The following TRMT11 variants were observed in gnomAD, a reference collection of about 807,000 sequenced individuals.
The protein encoded by TRMT11 is tRNA methyltransferase 11, also known as tRNA (guanine(10)-N(2))-methyltransferase TRMT11.
Under a neutral mutation model 62.8 loss-of-function variants are expected in TRMT11, and 53 were observed. The observed-to-expected ratio is 0.84, with a 90% confidence interval of 0.68 to 1.06. TRMT11 has a LOEUF of 1.06. Ranked by LOEUF, TRMT11 falls within the 50% of genes least tolerant of loss-of-function variation. TRMT11 has a pLI of 0.00. For missense variants in TRMT11, 556 were observed against 553.4 expected (o/e 1.00, Z -0.05); for synonymous variants, 188 against 190.3 (o/e 0.99, Z 0.10).
the TRMT11 span, among the ~76,000 whole-genome samples, chr6:126,257,017 C>T: frequency 6.6e-6 from 1 of 152,068 alleles, no homozygotes; most frequent in African/African-American, 2.4e-5. Flanking sequence ...TCCCAAGTAG[C>T]TGGGACTACA....
At chr6:126,228,172 G>C in the TRMT11 span, among the ~76,000 whole-genome samples, 972 of 152,306 alleles carry the variant, frequency 6.4e-3, 16 homozygotes, top group African/African-American at 0.023. Context: ...ATGCTTTGTG[G>C]ACCAAAACAA....
intron 21 of TRMT11, among the ~76,000 whole-genome samples, chr6:126,160,177 G>A (rs1778172573): frequency 6.6e-6 from 1 of 151,972 alleles, no homozygotes; most frequent in Non-Finnish European, 1.5e-5. Context: ...TCCTTATAAG[G>A]TTACACTCAG....
chr6:126,084,820 T>C (rs1777196670), intron 17 of TRMT11, among the ~76,000 whole-genome samples: 1 of 152,134 alleles, frequency 6.6e-6, no homozygotes, highest in Non-Finnish European at 1.5e-5. Flanking sequence ...TTGTGCTAAA[T>C]GCAACAAGCC....
chr6:126,135,547 C>A (rs973477053), intron 21 of TRMT11, among the ~76,000 whole-genome samples: 4 of 151,732 alleles, frequency 2.6e-5, no homozygotes, highest in African/African-American at 9.7e-5. Flanking sequence ...CTGCTGAATT[C>A]TACCAAAACA....
chr6:126,093,631 A>ATATATATATTTTTTTTTTTTTTT (rs1554236842), intron 17 of TRMT11, among the ~76,000 whole-genome samples: 3 of 98,016 alleles, frequency 3.1e-5, no homozygotes, highest in African/African-American at 1.3e-4. Context: ...ATATATATAT[A>ATATATATATTTTTTTTTTTTTTT]TTTTCCCCCA....
intron 17 of TRMT11, among the ~76,000 whole-genome samples, chr6:126,088,852 A>T (rs191805352): frequency 7.2e-5 from 11 of 152,310 alleles, no homozygotes; most frequent in Middle Eastern, 6.8e-3. Context: ...ATTGACTTAT[A>T]TTGCTAGAGA....
chr6:126,203,161 C>G (rs139164050), downstream of TRMT11, among the ~76,000 whole-genome samples: 1 of 152,180 alleles, frequency 6.6e-6, no homozygotes, highest in African/African-American at 2.4e-5. Flanking sequence ...GCACAGGGCC[C>G]TGAGCTCAGA....
intron 12 of TRMT11, among the ~76,000 whole-genome samples, chr6:126,026,802 G>T (rs1289568572): frequency 5.2e-4 from 63 of 121,694 alleles, no homozygotes; most frequent in Middle Eastern, 4.7e-3. Context: ...GGTTTTTTGG[G>T]TTTTTTTTTT....
chr6:126,258,367 A>G, the TRMT11 span: 2 of 367,192 alleles, frequency 5.4e-6, no homozygotes, highest in South Asian at 4.3e-5. Context: ...ATGTACGTGC[A>G]TCAGTCCCCT....
intron 1 of TRMT11, among the ~76,000 whole-genome samples, chr6:126,198,613 C>T (rs1011526073): frequency 6.6e-5 from 10 of 152,258 alleles, no homozygotes; most frequent in South Asian, 2.1e-4. Context: ...ACCAACTAGA[C>T]GGGATTAGAC....
chr6:126,048,416 C>G (rs1440028993), intron 16 of TRMT11, among the ~76,000 whole-genome samples: 25 of 152,208 alleles, frequency 1.6e-4, no homozygotes, highest in Admixed American at 1.6e-3. Flanking sequence ...GTTTGATCCA[C>G]CACTTGGAAA....
At chr6:126,163,367 A>C (rs1401811841) in intron 21 of TRMT11, among the ~76,000 whole-genome samples, 1 of 152,108 alleles carries the variant, frequency 6.6e-6, no homozygotes, top group Non-Finnish European at 1.5e-5. Flanking sequence ...ACTGATTTGC[A>C]TATGTTGAAC....
chr6:126,039,286 ATCTAGTTGTCT>A (rs1435413091), downstream of TRMT11: 1 of 152,652 alleles, frequency 6.6e-6, no homozygotes, highest in Non-Finnish European at 1.5e-5. Context: ...ATTGTGTCAT[ATCTAGTTGTCT>A]TCATGGGGGA....
intron 1 of TRMT11, among the ~76,000 whole-genome samples, chr6:125,987,871 C>A (rs1789923980): frequency 6.6e-6 from 1 of 152,086 alleles, no homozygotes; most frequent in South Asian, 2.1e-4. Flanking sequence ...CCTGAGATGA[C>A]CAAGAGGCGG....
At chr6:126,142,742 T>C (rs530584038) in intron 21 of TRMT11, among the ~76,000 whole-genome samples, 40 of 152,236 alleles carry the variant, frequency 2.6e-4, no homozygotes, top group African/African-American at 9.1e-4. Context: ...TATTAATTCC[T>C]CTTTTGCTCA....
At chr6:126,066,384 G>A (rs1269632331) in intron 17 of TRMT11, among the ~76,000 whole-genome samples, 5 of 152,210 alleles carry the variant, frequency 3.3e-5, no homozygotes, top group African/African-American at 1.2e-4. Flanking sequence ...GAAGCTGGAC[G>A]TCCAAGATCA....
intron 21 of TRMT11, among the ~76,000 whole-genome samples, chr6:126,138,863 A>G (rs1777882221): frequency 6.6e-6 from 1 of 152,052 alleles, no homozygotes; most frequent in Admixed American, 6.6e-5. Flanking sequence ...CTGTAATGCT[A>G]GTGAAGTTGT....
intron 16 of TRMT11, among the ~76,000 whole-genome samples, chr6:126,050,419 G>A (rs1202677402): frequency 1.3e-5 from 2 of 152,086 alleles, no homozygotes; most frequent in South Asian, 2.1e-4. Context: ...GGTGATTTGG[G>A]GTGTCAGTTG....
intron 16 of TRMT11, among the ~76,000 whole-genome samples, chr6:126,052,811 G>C (rs921602577): frequency 1.3e-5 from 2 of 152,134 alleles, no homozygotes; most frequent in African/African-American, 4.8e-5. Context: ...TTCTCTCTTA[G>C]TTTTGGAGAA....
Sources: gnomAD v4.1 joint callset for allele counts (sites outside exome capture counted in the v4.1 genomes callset) on GRCh38, gnomAD v4.1.1 for gene constraint, MANE v1.5 for transcripts, NCBI Gene and HGNC (gene_info 2026-07-23, HGNC 2026-07-21) for gene names.